The following DTNA variants were observed in gnomAD, a reference collection of about 807,000 sequenced individuals.
The protein encoded by DTNA is dystrophin-related protein 3.
DTNA carries 43 observed loss-of-function variants against 100.7 expected under a neutral mutation model. The observed-to-expected ratio is 0.43, with a 90% confidence interval of 0.33 to 0.55. The LOEUF (loss-of-function observed/expected upper bound fraction) is 0.55. Ranked by LOEUF, DTNA falls within the 20% of genes least tolerant of loss-of-function variation. The pLI is 0.04. For synonymous variants in DTNA, 349 were observed against 347.9 expected (o/e 1.00, Z -0.04); for missense variants, 798 against 953.9 (o/e 0.84, Z 2.15).
intron 1 of DTNA, among the ~76,000 whole-genome samples, chr18:34,738,667 G>A (rs1043543478): frequency 3.9e-5 from 6 of 152,030 alleles, no homozygotes; most frequent in African/African-American, 9.7e-5. Flanking sequence ...ATCTCTCCCT[G>A]TGCTGTGTTC....
rs766812223 is a variant in DTNA at position 34,879,539 on chromosome 18, T to C, written c.1994-12T>C. The C allele has an allele frequency of 1.9e-6, 3 of 1,613,902 alleles. No individual in the cohort carries two copies. Among genetic ancestry groups the C allele is most frequent in the Non-Finnish European group, 2.5e-6 (3 of 1,179,934 alleles). ...ACGAGTCATTCTTTATTTCTTCAAT[T>C]GTATCTGCTAGAGGTTGGGAGTGAA... On this transcript the variant is annotated splice_polypyrimidine_tract_variant and intron_variant, in intron 19 of 22. Coordinates refer to ENST00000444659, the MANE Select transcript of DTNA (RefSeq NM_001386795.1).
In DTNA at chr18:34,794,257, A is replaced by G. The variant is rs1334708925; in HGVS notation, c.362+7A>G. 6.2e-7 allele frequency: 1 copy of G among 1,613,422 alleles called. No homozygotes were observed. The highest frequency in any genetic ancestry group is 1.3e-5 in the African/African-American group (1 of 74,828). The stretch of plus-strand genomic sequence containing the variant: ...TGCTTGCAGCGTTTGATCCGTAAGC[A>G]CCCTCTGAATGTCTGTTCCTCTCTA... On this transcript the variant is annotated splice_region_variant and intron_variant, in intron 4 of 22. Transcript: ENST00000444659.
At chr18:34,536,040 C>T (rs1439666725) in intron 1 of DTNA, among the ~76,000 whole-genome samples, 1 of 152,004 alleles carries the variant, frequency 6.6e-6, no homozygotes, top group Non-Finnish European at 1.5e-5. Flanking sequence ...CACACACATA[C>T]ATAATTTTCT....
chr18:34,810,347 C>T (rs2095458771), intron 5 of DTNA, among the ~76,000 whole-genome samples: 1 of 152,032 alleles, frequency 6.6e-6, no homozygotes, highest in Non-Finnish European at 1.5e-5. Flanking sequence ...CAGTACAATT[C>T]AGCCATAAAA....
At position 34,882,057 on chromosome 18, in the gene DTNA, G is replaced by T. The variant is rs2150404915; in HGVS notation, c.2163-12G>T. The T allele has an allele frequency of 6.2e-7, 1 of 1,614,052 alleles. No individual in the cohort carries two copies. Among genetic ancestry groups the T allele is most frequent in the East Asian group, 2.2e-5 (1 of 44,876 alleles). On this transcript the variant is annotated splice_polypyrimidine_tract_variant and intron_variant, in intron 20 of 22. Coordinates refer to ENST00000444659, the MANE Select transcript of DTNA (RefSeq NM_001386795.1). ...GATTTGCTCTAACATGTCATCTGTG[G>T]TTTATTTTCAGGGTTACGGAGGATG...
intron 3 of DTNA, among the ~76,000 whole-genome samples, chr18:34,784,384 C>A (rs2148864418): frequency 6.6e-6 from 1 of 152,268 alleles, no homozygotes; most frequent in Non-Finnish European, 1.5e-5. Flanking sequence ...GGTTCTAGGT[C>A]AATATAAAAT....
At chr18:34,594,003 C>T (rs2050071406) in intron 1 of DTNA, among the ~76,000 whole-genome samples, 1 of 151,952 alleles carries the variant, frequency 6.6e-6, no homozygotes, top group Non-Finnish European at 1.5e-5. Flanking sequence ...GCTTAAACTG[C>T]GTAAGGAGCC....
At chr18:34,576,787 G>A (rs1221426109) in intron 1 of DTNA, among the ~76,000 whole-genome samples, 1 of 152,066 alleles carries the variant, frequency 6.6e-6, no homozygotes, top group Non-Finnish European at 1.5e-5. Flanking sequence ...TATGATAGTC[G>A]GGGAAAATGA....
chr18:34,723,926 A>G (rs564635253), intron 1 of DTNA, among the ~76,000 whole-genome samples: 2 of 152,228 alleles, frequency 1.3e-5, no homozygotes, highest in East Asian at 1.9e-4. Context: ...AAGAAAGAAA[A>G]AAAAACTATG....
intron 1 of DTNA, among the ~76,000 whole-genome samples, chr18:34,592,228 A>T (rs1471199993): frequency 6.6e-6 from 1 of 152,108 alleles, no homozygotes; most frequent in Non-Finnish European, 1.5e-5. Flanking sequence ...CTTTTGAAGA[A>T]GTTGTGTGGT....
At position 34,689,750 on chromosome 18, in the gene DTNA, C is replaced by T. The variant is rs186330061; in HGVS notation, c.-1-66226C>T. On this transcript the variant is annotated intron_variant, in intron 1 of 19. Coordinates refer to the DTNA transcript ENST00000283365. ...TTTGCTGAAGCTGCGCCCACAGCTG[C>T]CCCCTCCCCCAGGTGCTCTGTTCCA... Among the ~76,000 whole-genome samples the T allele has an allele frequency of 6.4e-4, 97 of 152,284 alleles. 3 individuals carry two copies. The East Asian group carries it at 0.014, about 23-fold the overall frequency.
At position 34,890,002 on chromosome 18, in the gene DTNA, T is replaced by G; in HGVS notation, c.*2268T>G. On this transcript the variant is annotated 3_prime_UTR_variant, in exon 23 of 23. Coordinates refer to ENST00000444659, the MANE Select transcript of DTNA (RefSeq NM_001386795.1). ...TACATCCCAGCTACCTATAATGCTG[T>G]CAGCTCAAAATCATAGCCAGGTAGT... 8.3e-7 allele frequency: 1 copy of G among 1,210,872 alleles called. No individual in the cohort carries two copies. Among genetic ancestry groups the G allele is most frequent in the South Asian group, 2.5e-5 (1 of 40,238 alleles). The allele number at this position is 1,210,872 out of a possible 1,614,324, so 75.0% of individuals were successfully genotyped here.
rs192596629 is a variant in DTNA, at chr18:34,751,321, C to G, written c.-1-4655C>G. ...AAGTATCCAATTCACTGGACTCTTC[C>G]GTTAGTCGTGTGTTCCCACGCCTAC... On this transcript the variant is annotated intron_variant, in intron 1 of 22. Coordinates refer to ENST00000444659, the MANE Select transcript of DTNA (RefSeq NM_001386795.1). 1.3e-3 allele frequency among the ~76,000 whole-genome samples: 194 copies of G among 152,344 alleles called. 1 individual carries two copies. The highest frequency in any genetic ancestry group is 4.4e-3 in the African/African-American group (184 of 41,582).
At chr18:34,527,612 T>C (rs1308640352) in intron 1 of DTNA, among the ~76,000 whole-genome samples, 1 of 152,128 alleles carries the variant, frequency 6.6e-6, no homozygotes, top group Non-Finnish European at 1.5e-5. Context: ...TGTTTAATGT[T>C]TTCAGTTTTG....
intron 1 of DTNA, among the ~76,000 whole-genome samples, chr18:34,667,064 G>A (rs1205823480): frequency 6.6e-6 from 1 of 152,132 alleles, no homozygotes; most frequent in African/African-American, 2.4e-5. Context: ...AGCATGGAAT[G>A]TTCTTCCATT....
At chr18:34,584,825 A>G (rs886128884) in intron 1 of DTNA, among the ~76,000 whole-genome samples, 2 of 152,136 alleles carry the variant, frequency 1.3e-5, no homozygotes, top group Non-Finnish European at 2.9e-5. Flanking sequence ...GGAGGGAGGG[A>G]AGAGGAGAAG....
chr18:34,787,909 TGAA>T (rs1474609817), intron 3 of DTNA, among the ~76,000 whole-genome samples: 7 of 152,234 alleles, frequency 4.6e-5, no homozygotes, highest in Non-Finnish European at 8.8e-5. Context: ...TAAGATTCCA[TGAA>T]GAACTAAATA....
chr18:34,854,811 G>T (rs777843963), intron 15 of DTNA, among the ~76,000 whole-genome samples: 2 of 152,096 alleles, frequency 1.3e-5, no homozygotes, highest in Non-Finnish European at 2.9e-5. Flanking sequence ...AAGAAACCTG[G>T]GTTTTTGTTT....
intron 1 of DTNA, among the ~76,000 whole-genome samples, chr18:34,732,347 A>C (rs997152931): frequency 2.0e-5 from 3 of 152,230 alleles, no homozygotes; most frequent in African/African-American, 7.2e-5. Context: ...CTCTAGGAAT[A>C]TAACTCATTC....
Sources: allele counts gnomAD v4.1 joint callset (sites outside exome capture counted in the v4.1 genomes callset), GRCh38; gene constraint gnomAD v4.1.1; transcripts MANE v1.5; gene names NCBI Gene and HGNC (gene_info 2026-07-23, HGNC 2026-07-21).